FOXN3: variants seen among roughly 807,000 people sequenced by gnomAD.
FOXN3 encodes forkhead box protein N3.
FOXN3 carries 7 observed loss-of-function variants against 38.4 expected under a neutral mutation model. The observed-to-expected ratio is 0.18, with a 90% CI of 0.10 to 0.34. The LOEUF is 0.34. Ranked by LOEUF, FOXN3 falls within the 10% of genes least tolerant of loss-of-function variation. FOXN3 has a pLI of 1.00. For synonymous variants in FOXN3, 230 were observed against 242.2 expected (o/e 0.95, Z 0.47); for missense variants, 456 against 613.4 (o/e 0.74, Z 2.71).
intron 1 of FOXN3, among the ~76,000 whole-genome samples, chr14:89,503,788 T>C (rs1443936766): frequency 1.3e-5 from 2 of 152,188 alleles, no homozygotes; most frequent in African/African-American, 2.4e-5. Flanking sequence ...TCACGATGCT[T>C]GTCTCACCGG....
intron 4 of FOXN3, among the ~76,000 whole-genome samples, chr14:89,221,935 A>G (rs1236074248): frequency 1.3e-5 from 2 of 150,422 alleles, no homozygotes; most frequent in African/African-American, 2.5e-5. Context: ...CCATTCTCCC[A>G]CCTCAGCCTT....
chr14:89,601,568 C>T (rs1896153682), intron 1 of FOXN3, among the ~76,000 whole-genome samples: 1 of 152,100 alleles, frequency 6.6e-6, no homozygotes, highest in Non-Finnish European at 1.5e-5. Flanking sequence ...TAGTTAAACT[C>T]AGGTACAGGG....
chr14:89,479,835 C>T (rs968626149), intron 1 of FOXN3, among the ~76,000 whole-genome samples: 1 of 152,064 alleles, frequency 6.6e-6, no homozygotes, highest in African/African-American at 2.4e-5. Context: ...TAACTGTTTC[C>T]GGGGAGCACC....
At position 89,592,457 on chromosome 14, in the gene FOXN3, C is replaced by T. The variant is rs898309162; in HGVS notation, c.-15+26571G>A. Among the ~76,000 whole-genome samples, 3 of 151,254 alleles carry T rather than the reference C, an allele frequency of 2.0e-5. No individual in the cohort carries two copies. In the East Asian group the frequency reaches 5.8e-4, roughly 29 times the overall value. ...GCTGTAGTATCATGAAATCTCACAC[C>T]GGGGATAAAATTAAAATTCTAAAAG... On this transcript the variant is annotated intron_variant, in intron 1 of 6. Coordinates refer to the FOXN3 transcript ENST00000345097.
At chr14:89,612,349 G>C (rs1217157345) in intron 1 of FOXN3, among the ~76,000 whole-genome samples, 1 of 152,124 alleles carries the variant, frequency 6.6e-6, no homozygotes, top group Non-Finnish European at 1.5e-5. Flanking sequence ...GTGTCAAGAG[G>C]CCATTCTAAA....
chr14:89,365,015 G>A (rs1010033963), intron 2 of FOXN3, among the ~76,000 whole-genome samples: 1 of 152,184 alleles, frequency 6.6e-6, no homozygotes, highest in Non-Finnish European at 1.5e-5. Flanking sequence ...CCCATGATTT[G>A]CCTAAAACCA....
At chr14:89,473,754 T>G (rs1263889476) in intron 1 of FOXN3, among the ~76,000 whole-genome samples, 1 of 152,236 alleles carries the variant, frequency 6.6e-6, no homozygotes, top group Non-Finnish European at 1.5e-5. Context: ...ATTTTCCTGG[T>G]AAATCCAGAG....
At chr14:89,581,901 T>G (rs191396540) in intron 1 of FOXN3, among the ~76,000 whole-genome samples, 88 of 152,294 alleles carry the variant, frequency 5.8e-4, no homozygotes, top group South Asian at 2.1e-3. Flanking sequence ...AAGTCTGAGT[T>G]GGGGTTGACT....
chr14:89,254,457 CCAGA>C (rs1885556428), intron 4 of FOXN3, among the ~76,000 whole-genome samples: 2 of 152,130 alleles, frequency 1.3e-5, no homozygotes, highest in Admixed American at 6.5e-5. Context: ...AACTGCACGG[CCAGA>C]CAGACAGCTC....
chr14:89,538,141 C>T (rs906630195), intron 1 of FOXN3, among the ~76,000 whole-genome samples: 4 of 152,202 alleles, frequency 2.6e-5, no homozygotes, highest in Non-Finnish European at 5.9e-5. Context: ...GGGGGTTAAT[C>T]ACTTGGCTAG....
Position 89,280,877 on chromosome 14 carries a change from C to T in FOXN3, c.745+73G>A, listed in dbSNP as rs974179744. On this transcript the variant is annotated intron_variant, in intron 4 of 5. Coordinates refer to ENST00000557258, the MANE Select transcript of FOXN3 (RefSeq NM_005197.4). ...CGGGACAGAACTGTCCTATTTGACA[C>T]CAAGCACAAAGGAGTGATGAAAGGC... is the stretch of plus-strand genomic sequence containing the variant. 3 of 1,338,716 alleles carry T rather than the reference C, an allele frequency of 2.2e-6. 1 individual carries two copies. In the South Asian group the frequency reaches 3.7e-5, roughly 16 times the overall value. The allele number at this position is 1,338,716 out of a possible 1,614,324, so 82.9% of individuals were successfully genotyped here. A position where few individuals can be genotyped will look rare whatever the true frequency, so the allele number is the denominator to read the frequency against.
Position 89,162,911 on chromosome 14 carries a change from C to A in FOXN3, c.910G>T (p.Val304Leu). 1 of 1,594,052 alleles carries A rather than the reference C, an allele frequency of 6.3e-7. No individual in the cohort carries two copies. The highest frequency in any genetic ancestry group is 8.6e-7 in the Non-Finnish European group (1 of 1,167,448). Residue 304 changes from valine to leucine, a missense_variant, in exon 6 of 6, where the codon GTG becomes TTG. By Grantham distance (32) the Val-to-Leu change is conservative. This residue lies in a region of FOXN3 where 386 missense variants were observed against 505.2 expected (regional missense o/e 0.76). Transcript: ENST00000557258. The surrounding 1 kb of genome is among the most constrained non-coding windows in gnomAD (Gnocchi z 7.2). ...TCCTCCTTGGGGTCTCCGCTGACCA[C>A]TGGGGAGCCACAAGATGGCTCACTC... ...TESEPSCGSP[V>L]VSGDPKEDHN...
At chr14:89,200,958 C>T (rs2139819165) in intron 4 of FOXN3, among the ~76,000 whole-genome samples, 1 of 152,212 alleles carries the variant, frequency 6.6e-6, no homozygotes, top group East Asian at 1.9e-4. Flanking sequence ...ATTTGAAGCC[C>T]AGGACAAAGG....
chr14:89,235,327 G>A (rs139174445), intron 4 of FOXN3, among the ~76,000 whole-genome samples: 1 of 152,250 alleles, frequency 6.6e-6, no homozygotes, highest in African/African-American at 2.4e-5. Context: ...TCAAAAGAAA[G>A]CCCAGAAGAT....
intron 3 of FOXN3, among the ~76,000 whole-genome samples, chr14:89,334,664 G>A (rs1357088423): frequency 7.3e-6 from 1 of 136,726 alleles, no homozygotes; most frequent in South Asian, 2.6e-4. Context: ...TTACAGCACA[G>A]AGACTACAGT....
intron 4 of FOXN3, among the ~76,000 whole-genome samples, chr14:89,252,654 C>CA (rs397827971): frequency 0.1 from 9,735 of 93,750 alleles, 499 homozygotes; most frequent in African/African-American, 0.18. Flanking sequence ...AACTCTATCT[C>CA]AAAAAAAAAA....
chr14:89,484,540 T>C lies in FOXN3; in HGVS notation c.-14-72050A>G, dbSNP rs985376900. 6.6e-6 allele frequency among the ~76,000 whole-genome samples: 1 copy of C among 152,362 alleles called. No homozygotes were observed. Among genetic ancestry groups the C allele is most frequent in the Admixed American group, 6.5e-5 (1 of 15,304 alleles). ...AAATGTGAAAACCATTCTTAGTACA[T>C]TGGCGATGCACAGACAGGCGGCAGG... On this transcript the variant is annotated intron_variant, in intron 1 of 6. Transcript: ENST00000345097. The surrounding 1 kb of genome is among the most constrained non-coding windows in gnomAD (Gnocchi z 4.0).
At chr14:89,453,201 AAAAAAAAGAACT>A (rs1235373759) in intron 1 of FOXN3, among the ~76,000 whole-genome samples, 1 of 151,720 alleles carries the variant, frequency 6.6e-6, no homozygotes, top group African/African-American at 2.4e-5. Context: ...CTCCGTCTCA[AAAAAAAAGAACT>A]AAAAAAAGAA....
At position 89,483,029 on chromosome 14, in the gene FOXN3, G is replaced by A. The variant is rs554372671; in HGVS notation, c.-14-70539C>T. On this transcript the variant is annotated intron_variant, in intron 1 of 6. Coordinates refer to the FOXN3 transcript ENST00000345097. ...TCAAGACCAGCCTGGCCAACATGGC[G>A]AAACCCCATCTCTACAAAAATACAA... Among the ~76,000 whole-genome samples, 311 of 152,208 alleles carry A rather than the reference G, an allele frequency of 2.0e-3. 1 individual carries two copies. Among genetic ancestry groups the A allele is most frequent in the Non-Finnish European group, 5.7e-4 (39 of 68,016 alleles).
Sources: allele counts gnomAD v4.1 joint callset (sites outside exome capture counted in the v4.1 genomes callset), GRCh38; gene constraint gnomAD v4.1.1; regional missense constraint gnomAD v4.1.1; non-coding constraint Gnocchi (gnomAD v3.1); transcripts MANE v1.5; gene names NCBI Gene and HGNC (gene_info 2026-07-23, HGNC 2026-07-21).